Variants in OLA1 observed in about 807,000 individuals in gnomAD.
OLA1 encodes obg-like ATPase 1.
Under a neutral mutation model 48.4 loss-of-function variants are expected in OLA1, and 14 were observed. That is an observed-to-expected ratio of 0.29 (90% CI 0.19 to 0.45). The LOEUF is 0.45. Ranked by LOEUF, OLA1 falls within the 20% of genes least tolerant of loss-of-function variation. The probability of loss-of-function intolerance (pLI) is 1.00; values close to 1 mark genes in which losing one functional copy is unlikely to be tolerated. For missense variants in OLA1, 325 were observed against 467.1 expected, an observed-to-expected ratio of 0.70 and a Z score of 2.80; for synonymous variants, 127 against 150.4, an observed-to-expected ratio of 0.84 and a Z score of 1.14.
At chr2:174,119,761 G>A (rs1685869130) in intron 7 of OLA1, among the ~76,000 whole-genome samples, 1 of 152,052 alleles carries the variant, frequency 6.6e-6, no homozygotes, top group South Asian at 2.1e-4. Context: ...TATTTAAAAT[G>A]CATTTAGTGA....
chr2:174,161,683 C>T (rs201861993), intron 4 of OLA1, among the ~76,000 whole-genome samples: 1,582 of 15,452 alleles, frequency 0.1, 18 homozygotes, highest in African/African-American at 0.14. Context: ...AAAAAAAATA[C>T]ACACACACAC....
intron 5 of OLA1, among the ~76,000 whole-genome samples, chr2:174,129,989 C>T (rs964524556): frequency 6.6e-6 from 1 of 152,132 alleles, no homozygotes; most frequent in Non-Finnish European, 1.5e-5. Flanking sequence ...AGACAGCCAA[C>T]AATGCACTCA....
intron 7 of OLA1, among the ~76,000 whole-genome samples, chr2:174,105,341 T>A (rs1275226821): frequency 1.3e-5 from 2 of 152,000 alleles, no homozygotes; most frequent in African/African-American, 4.8e-5. Context: ...CTGCACATCA[T>A]CCTCTGGTTT....
chr2:174,218,436 T>C (rs1408211731), intron 4 of OLA1, among the ~76,000 whole-genome samples: 2 of 152,182 alleles, frequency 1.3e-5, no homozygotes, highest in South Asian at 2.1e-4. Context: ...CTGACAGTTG[T>C]TATGTTTATT....
chr2:174,225,212 T>C (rs1187711104), intron 3 of OLA1, among the ~76,000 whole-genome samples: 1 of 152,130 alleles, frequency 6.6e-6, no homozygotes. Flanking sequence ...TCCCCCTGTC[T>C]CCATGTGACA....
intron 4 of OLA1, among the ~76,000 whole-genome samples, chr2:174,190,576 G>A (rs111672081): frequency 0.026 from 3,986 of 151,606 alleles, 166 homozygotes; most frequent in African/African-American, 0.09. Context: ...GAAATTCTAT[G>A]TTGGATACAT....
intron 7 of OLA1, among the ~76,000 whole-genome samples, chr2:174,089,606 A>G (rs1464759639): frequency 6.6e-6 from 1 of 152,170 alleles, no homozygotes; most frequent in Non-Finnish European, 1.5e-5. Flanking sequence ...CTTACTTTAT[A>G]AGACATAATT....
chr2:174,248,234 A>C lies in OLA1; in HGVS notation c.-1+218T>G, dbSNP rs573063171. 67 of 158,494 alleles carry C rather than the reference A, an allele frequency of 4.2e-4. 4 individuals carry two copies. In the South Asian group the frequency reaches 0.011, roughly 27 times the overall value. The allele number at this position is 158,494 out of a possible 1,614,324, so 9.8% of individuals were successfully genotyped here. A position where few individuals can be genotyped will look rare whatever the true frequency, so the allele number is the denominator to read the frequency against. On this transcript the variant is annotated intron_variant, in intron 1 of 10. Coordinates refer to ENST00000284719, the MANE Select transcript of OLA1 (RefSeq NM_013341.5). ...CACCGGGCGTCCTGGCGTCGGGAGA[A>C]GGCTTTCCCCAGGGCTTTCCCGCGT... is the stretch of plus-strand genomic sequence containing the variant.
chr2:174,246,607 G>A, intron 2 of OLA1, 108 bp downstream of exon 2: 1 of 730,714 alleles, frequency 1.4e-6, no homozygotes, highest in Non-Finnish European at 2.4e-6. Flanking sequence ...CAGCTTCCTG[G>A]CCTCTTTTCT....
At chr2:174,215,953 G>A (rs1192229996) in intron 4 of OLA1, among the ~76,000 whole-genome samples, 1 of 152,030 alleles carries the variant, frequency 6.6e-6, no homozygotes, top group East Asian at 1.9e-4. Context: ...GTAATCCCTT[G>A]AGGTTCCTGC....
intron 7 of OLA1, among the ~76,000 whole-genome samples, chr2:174,116,989 T>C (rs1443703151): frequency 2.0e-5 from 3 of 152,214 alleles, no homozygotes; most frequent in Non-Finnish European, 4.4e-5. Context: ...AAGAATGATT[T>C]ACTCTAATGG....
At chr2:174,175,365 G>A (rs1206020859) in intron 4 of OLA1, among the ~76,000 whole-genome samples, 1 of 148,316 alleles carries the variant, frequency 6.7e-6, no homozygotes, top group African/African-American at 2.5e-5. Context: ...CAAAGAACTT[G>A]TATCCAGTTC....
At chr2:174,161,681 TACACACACAC>T (rs55713860) in intron 4 of OLA1, among the ~76,000 whole-genome samples, 10 of 141,110 alleles carry the variant, frequency 7.1e-5, no homozygotes, top group South Asian at 2.3e-4. Flanking sequence ...AAAAAAAAAA[TACACACACAC>T]ACACACACAC....
At chr2:174,158,361 T>C (rs577357708) in intron 4 of OLA1, among the ~76,000 whole-genome samples, 96 of 152,050 alleles carry the variant, frequency 6.3e-4, no homozygotes, top group Non-Finnish European at 1.0e-3. Context: ...CAGCACGTTA[T>C]GGTACAGAAG....
chr2:174,127,656 T>C (rs1046790863), intron 5 of OLA1, among the ~76,000 whole-genome samples: 1 of 152,112 alleles, frequency 6.6e-6, no homozygotes, highest in Admixed American at 6.6e-5. Flanking sequence ...CAAATGCTTT[T>C]CAAAGGGATC....
intron 2 of OLA1, among the ~76,000 whole-genome samples, chr2:174,234,431 G>A (rs1688801468): frequency 6.6e-6 from 1 of 152,048 alleles, no homozygotes; most frequent in South Asian, 2.1e-4. Flanking sequence ...CCTAATCCCC[G>A]AGCTGTTCAA....
intron 3 of OLA1, among the ~76,000 whole-genome samples, chr2:174,227,990 G>T (rs189137266): frequency 3.1e-4 from 47 of 152,258 alleles, no homozygotes; most frequent in African/African-American, 1.1e-3. Flanking sequence ...AAAGATAAAT[G>T]GTGGGCACTG....
At chr2:174,209,916 CAAT>C (rs1422248705) in intron 4 of OLA1, among the ~76,000 whole-genome samples, 1 of 151,934 alleles carries the variant, frequency 6.6e-6, no homozygotes, top group Non-Finnish European at 1.5e-5. Flanking sequence ...TTGTTTATAA[CAAT>C]ATTATAAGGA....
chr2:174,119,416 TC>T (rs1333219369), intron 7 of OLA1, among the ~76,000 whole-genome samples: 2 of 152,140 alleles, frequency 1.3e-5, no homozygotes, highest in African/African-American at 2.4e-5. Flanking sequence ...CTACAATAGT[TC>T]TATAGAAATA....
Sources: gnomAD v4.1 joint callset for allele counts (sites outside exome capture counted in the v4.1 genomes callset) on GRCh38, gnomAD v4.1.1 for gene constraint, MANE v1.5 for transcripts, NCBI Gene and HGNC (gene_info 2026-07-23, HGNC 2026-07-21) for gene names.